ALKBH5: variants seen among roughly 807,000 people sequenced by gnomAD.
ALKBH5 encodes the protein RNA demethylase ALKBH5.
ALKBH5 carries 2 observed loss-of-function variants against 32.1 expected under a neutral mutation model. The observed-to-expected ratio is 0.06, with a 90% CI of 0.03 to 0.20. The LOEUF (loss-of-function observed/expected upper bound fraction) is 0.20. Among genes scored for constraint, ALKBH5 ranks in the 10% least tolerant of loss-of-function variants. ALKBH5 has a pLI of 1.00. For missense variants in ALKBH5, 352 were observed against 559.5 expected (o/e 0.63, Z 3.74); for synonymous variants, 300 against 231.7 (o/e 1.29, Z -2.68).
In ALKBH5 at chr17:18,208,921, T is replaced by C. The variant is rs76851579; in HGVS notation, c.*525T>C. 9.7e-5 allele frequency: 21 copies of C among 215,750 alleles called. No homozygotes were observed. The highest frequency in any genetic ancestry group is 2.1e-3 in the Middle Eastern group (1 of 478). 13.4% of individuals were successfully genotyped at this position (215,750 alleles called of 1,614,324 possible). Reference sequence around the variant, plus strand: ...CTGCCATCCACGCCCTGCAAGCTCATGCAAACACCCTTTCTTCCTCCTGCG... The same window carrying C: ...CTGCCATCCACGCCCTGCAAGCTCACGCAAACACCCTTTCTTCCTCCTGCG... On this transcript the variant is annotated 3_prime_UTR_variant, in exon 4 of 4. Coordinates refer to ENST00000399138, the MANE Select transcript of ALKBH5 (RefSeq NM_017758.4).
At chr17:18,192,623 C>T (rs1314264202) in intron 1 of ALKBH5, among the ~76,000 whole-genome samples, 1 of 152,160 alleles carries the variant, frequency 6.6e-6, no homozygotes, top group Non-Finnish European at 1.5e-5. Context: ...ACAAAGCTCA[C>T]ATTTGAACCC....
At position 18,208,534 on chromosome 17, in the gene ALKBH5, C is replaced by G; in HGVS notation, c.*138C>G. ...TTTTTTTTGATTCTATATATTTTTCCTTGGTTTTGTTGCCTGTTAGGGCTG... is the reference window on the plus strand; with the variant it reads ...TTTTTTTTGATTCTATATATTTTTCGTTGGTTTTGTTGCCTGTTAGGGCTG... On this transcript the variant is annotated 3_prime_UTR_variant, in exon 4 of 4. Transcript: ENST00000399138. The G allele has an allele frequency of 9.3e-7, 1 of 1,069,550 alleles. No homozygotes were observed. Among genetic ancestry groups the G allele is most frequent in the Non-Finnish European group, 1.4e-6 (1 of 726,404 alleles). The allele number at this position is 1,069,550 out of a possible 1,614,324, so 66.3% of individuals were successfully genotyped here. A position where few individuals can be genotyped will look rare whatever the true frequency, so the allele number is the denominator to read the frequency against.
intron 2 of ALKBH5, among the ~76,000 whole-genome samples, chr17:18,203,642 A>G (rs1040919384): frequency 1.3e-5 from 2 of 152,054 alleles, no homozygotes; most frequent in Non-Finnish European, 2.9e-5. Context: ...CAGATTTGTG[A>G]CTCTCTGCTA....
Position 18,184,573 on chromosome 17 carries a change from G to A in ALKBH5, c.330G>A (p.Val110=). The A allele has an allele frequency of 6.2e-7, 1 of 1,613,318 alleles. No homozygotes were observed. Among genetic ancestry groups the A allele is most frequent in the South Asian group, 1.1e-5 (1 of 91,084 alleles). ...CAKIEARIDE[V]VSRAEKGLYN... ...AGATCGAGGCCCGCATTGACGAGGT[G>A]GTGTCCCGCGCTGAGAAGGGCCTGT... is the stretch of plus-strand genomic sequence containing the variant. Residue 110 remains valine (V), a synonymous_variant, in exon 1 of 4, where the codon GTG becomes GTA. Transcript: ENST00000399138.
intron 2 of ALKBH5, among the ~76,000 whole-genome samples, chr17:18,203,564 T>G (rs747614391): frequency 5.3e-5 from 8 of 152,256 alleles, no homozygotes; most frequent in Non-Finnish European, 1.2e-4. Flanking sequence ...AAGGCAGGTC[T>G]TCATTCCTGT....
chr17:18,191,802 C>A (rs2047176343), intron 1 of ALKBH5, among the ~76,000 whole-genome samples: 1 of 151,984 alleles, frequency 6.6e-6, no homozygotes, highest in African/African-American at 2.4e-5. Context: ...AAACAGTCTT[C>A]ACTAAACATA....
chr17:18,208,878 CTGT>C lies in ALKBH5; in HGVS notation c.*484_*486del. The C allele has an allele frequency of 4.0e-6, 1 of 250,816 alleles. No homozygotes were observed. The highest frequency in any genetic ancestry group is 7.9e-6 in the Non-Finnish European group (1 of 126,834). The allele number at this position is 250,816 out of a possible 1,614,324, so 15.5% of individuals were successfully genotyped here. A position where few individuals can be genotyped will look rare whatever the true frequency, so the allele number is the denominator to read the frequency against. ...GTCTCCTGGAGCCTCACAGGCTCTG[CTGT>C]TCTCCACTTCTCACCTGCCATCCAC... is the stretch of plus-strand genomic sequence containing the variant. On this transcript the variant is annotated 3_prime_UTR_variant, in exon 4 of 4. Coordinates refer to ENST00000399138, the MANE Select transcript of ALKBH5 (RefSeq NM_017758.4).
intron 1 of ALKBH5, among the ~76,000 whole-genome samples, chr17:18,187,125 A>C (rs1323373489): frequency 6.6e-6 from 1 of 152,074 alleles, no homozygotes; most frequent in Non-Finnish European, 1.5e-5. Context: ...CAGGAGGATA[A>C]GTTATAGCCC....
chr17:18,205,354 C>CT (rs2142490107), intron 2 of ALKBH5, among the ~76,000 whole-genome samples: 1 of 152,296 alleles, frequency 6.6e-6, no homozygotes, highest in East Asian at 1.9e-4. Flanking sequence ...AGAGTGGAGT[C>CT]TGAGACTGAA....
chr17:18,183,925 G>A lies in ALKBH5; in HGVS notation c.-319G>A, dbSNP rs909304970. The A allele has an allele frequency of 1.8e-5, 10 of 550,224 alleles. No individual in the cohort carries two copies. Among genetic ancestry groups the A allele is most frequent in the Non-Finnish European group, 3.1e-5 (9 of 294,396 alleles). 34.1% of individuals were successfully genotyped at this position (550,224 alleles called of 1,614,324 possible). A position where few individuals can be genotyped will look rare whatever the true frequency, so the allele number is the denominator to read the frequency against. On this transcript the variant is annotated 5_prime_UTR_variant, in exon 1 of 4. Transcript: ENST00000399138. ...AGTGCGGGCCGGGCCGGGCGTCCGAGGGTCTGGTCGGGAGTCGGGCCGCGT... is the reference window on the plus strand; with the variant it reads ...AGTGCGGGCCGGGCCGGGCGTCCGAAGGTCTGGTCGGGAGTCGGGCCGCGT...
intron 2 of ALKBH5, among the ~76,000 whole-genome samples, chr17:18,201,318 C>G (rs2047235202): frequency 6.6e-6 from 1 of 152,184 alleles, no homozygotes; most frequent in Non-Finnish European, 1.5e-5. Context: ...GTGGCCTGCC[C>G]AAGGAATATG....
In ALKBH5 at chr17:18,194,878, C is replaced by G. The variant is rs1310051744; in HGVS notation, c.771-77C>G. The G allele has an allele frequency of 4.0e-5, 51 of 1,284,940 alleles. 1 individual carries two copies. In the East Asian group the frequency reaches 1.1e-3, roughly 28 times the overall value. The allele number at this position is 1,284,940 out of a possible 1,614,324, so 79.6% of individuals were successfully genotyped here. ...GCAGCCGTAAGACCTAGGCCATGTT[C>G]CTGTCCTGTTATATCCCCCAGGAAC... On this transcript the variant is annotated intron_variant, in intron 1 of 3. Coordinates refer to ENST00000399138, the MANE Select transcript of ALKBH5 (RefSeq NM_017758.4).
At chr17:18,204,677 G>A (rs988352098) in intron 2 of ALKBH5, among the ~76,000 whole-genome samples, 2 of 151,782 alleles carry the variant, frequency 1.3e-5, no homozygotes, top group Admixed American at 1.3e-4. Flanking sequence ...TGGGAGGATC[G>A]CTTGAAGTTG....
chr17:18,204,606 A>G (rs139374051), intron 2 of ALKBH5, among the ~76,000 whole-genome samples: 151 of 152,220 alleles, frequency 9.9e-4, no homozygotes, highest in African/African-American at 3.5e-3. Flanking sequence ...TACTGAAAAT[A>G]TAAAAATTAG....
intron 2 of ALKBH5, among the ~76,000 whole-genome samples, chr17:18,204,205 A>C (rs1400425102): frequency 6.6e-6 from 1 of 152,150 alleles, no homozygotes; most frequent in East Asian, 1.9e-4. Context: ...TAATTTCAGC[A>C]CTTTGGGAAG....
At chr17:18,208,108 A>C in intron 3 of ALKBH5, 111 bp from the exon 4 acceptor site, 1 of 1,177,446 alleles carries the variant, frequency 8.5e-7, no homozygotes, top group Non-Finnish European at 1.2e-6. Flanking sequence ...CCCTTCGTTG[A>C]GGACCACTGA....
chr17:18,206,544 A>G (rs934193768), intron 2 of ALKBH5: 25 of 348,822 alleles, frequency 7.2e-5, no homozygotes, highest in Admixed American at 7.0e-4. Flanking sequence ...GAGCCCTGGG[A>G]TCTTGCCCCT....
intron 2 of ALKBH5, among the ~76,000 whole-genome samples, chr17:18,201,029 G>T (rs2047233672): frequency 6.6e-6 from 1 of 152,220 alleles, no homozygotes; most frequent in South Asian, 2.1e-4. Context: ...GAGGAGTCAG[G>T]AGACCTTCCA....
At chr17:18,195,271 A>G (rs1475928451) in intron 2 of ALKBH5, among the ~76,000 whole-genome samples, 2 of 152,228 alleles carry the variant, frequency 1.3e-5, no homozygotes, top group African/African-American at 2.4e-5. Context: ...TATACGCCCA[A>G]TATTTGTGGG....
Sources: gnomAD v4.1 joint callset for allele counts (sites outside exome capture counted in the v4.1 genomes callset) on GRCh38, gnomAD v4.1.1 for gene constraint, MANE v1.5 for transcripts, NCBI Gene and HGNC (gene_info 2026-07-23, HGNC 2026-07-21) for gene names.